PTK2: variants seen among roughly 807,000 people sequenced by gnomAD.
The protein encoded by PTK2 is protein tyrosine kinase 2.
A neutral mutation model predicts 150.1 loss-of-function variants in PTK2; 45 were observed. The ratio of observed to expected loss-of-function variants is 0.30; its 90% CI spans 0.24 to 0.38. The LOEUF (loss-of-function observed/expected upper bound fraction) is 0.38, where lower values mean the gene tolerates loss of function less well. Among genes scored for constraint, PTK2 ranks in the 10% least tolerant of loss-of-function variants. The pLI is 1.00. For missense variants in PTK2, 919 were observed against 1,307.3 expected (o/e 0.70, Z 4.58); for synonymous variants, 432 against 449.2 (o/e 0.96, Z 0.48).
intron 12 of PTK2, among the ~76,000 whole-genome samples, chr8:140,796,277 C>G (rs2100091555): frequency 6.6e-6 from 1 of 152,162 alleles, no homozygotes; most frequent in African/African-American, 2.4e-5. Flanking sequence ...GAATTCAAGC[C>G]AAACTGCAAG....
chr8:140,840,416 A>T (rs1014484150), intron 7 of PTK2, among the ~76,000 whole-genome samples: 3 of 151,984 alleles, frequency 2.0e-5, no homozygotes, highest in Admixed American at 2.0e-4. Context: ...GTATAAAATA[A>T]TAATAATGTC....
At chr8:140,913,113 T>C (rs550420649) in intron 2 of PTK2, among the ~76,000 whole-genome samples, 1 of 152,064 alleles carries the variant, frequency 6.6e-6, no homozygotes, top group African/African-American at 2.4e-5. Flanking sequence ...GGCAAAGACA[T>C]AGATGAAGAT....
At chr8:140,931,478 T>C (rs554485123) in intron 1 of PTK2, among the ~76,000 whole-genome samples, 182 of 151,912 alleles carry the variant, frequency 1.2e-3, no homozygotes, top group African/African-American at 3.4e-3. Context: ...GGTGGGAGGA[T>C]TGCTTGAGAC....
chr8:140,676,898 G>A (rs971091574), intron 27 of PTK2, among the ~76,000 whole-genome samples: 1 of 139,270 alleles, frequency 7.2e-6, no homozygotes, highest in South Asian at 2.3e-4. Context: ...CCGAGATCAC[G>A]TCACTGCACT....
At chr8:140,949,023 CCCT>C (rs1054179304) in intron 1 of PTK2, among the ~76,000 whole-genome samples, 4 of 151,658 alleles carry the variant, frequency 2.6e-5, no homozygotes, top group African/African-American at 9.7e-5. Flanking sequence ...CAAGACCAAC[CCCT>C]CTTCTTCCTC....
intron 14 of PTK2, among the ~76,000 whole-genome samples, chr8:140,780,124 C>T (rs148177702): frequency 9.4e-4 from 143 of 152,196 alleles, no homozygotes; most frequent in Admixed American, 6.4e-3. Flanking sequence ...AGCCTGCTCC[C>T]GAGGGTAATG....
chr8:140,928,842 T>A (rs937486244), intron 1 of PTK2, among the ~76,000 whole-genome samples: 1 of 152,004 alleles, frequency 6.6e-6, no homozygotes, highest in Non-Finnish European at 1.5e-5. Context: ...ATGAAAAAAA[T>A]TCTAGAGATC....
chr8:140,697,269 T>C (rs1190397772), intron 26 of PTK2, among the ~76,000 whole-genome samples: 1 of 148,796 alleles, frequency 6.7e-6, no homozygotes, highest in Non-Finnish European at 1.5e-5. Context: ...TAGGACCAAA[T>C]GAAGATGCTC....
intron 12 of PTK2, among the ~76,000 whole-genome samples, chr8:140,794,282 C>T (rs558150541): frequency 4.9e-4 from 75 of 152,282 alleles, no homozygotes; most frequent in African/African-American, 2.4e-4. Flanking sequence ...CAAAGCACTG[C>T]TTCACTTCTC....
intron 2 of PTK2, among the ~76,000 whole-genome samples, chr8:140,907,442 A>G (rs2100161406): frequency 6.6e-6 from 1 of 152,150 alleles, no homozygotes; most frequent in African/African-American, 2.4e-5. Flanking sequence ...GAGCATATCG[A>G]ATTTCAGATT....
intron 14 of PTK2, among the ~76,000 whole-genome samples, chr8:140,785,077 T>C (rs1054224572): frequency 3.3e-5 from 5 of 152,218 alleles, no homozygotes; most frequent in African/African-American, 1.2e-4. Flanking sequence ...TTATCCTCTC[T>C]ACCCCTGCCC....
Position 140,697,441 on chromosome 8 carries a change from TG to T in PTK2, c.2499+3449del, listed in dbSNP as rs1564587322. Among the ~76,000 whole-genome samples, 69 of 151,382 alleles carry T rather than the reference TG, an allele frequency of 4.6e-4. 2 individuals are homozygous for T. The East Asian group carries it at 0.013, about 28-fold the overall frequency. Reference sequence around the variant, plus strand: ...TTGTGTGTGTGTGTGTGTGTGTGTGTGTGTGTGTGTGTGTTTTTAAACGGAG... The same window carrying T: ...TTGTGTGTGTGTGTGTGTGTGTGTGTTGTGTGTGTGTGTTTTTAAACGGAG... On this transcript the variant is annotated intron_variant, in intron 26 of 31. Transcript: ENST00000522684.
rs142828213 is a variant in PTK2, at chr8:140,824,641, C to T, written c.649-5621G>A. On this transcript the variant is annotated intron_variant, in intron 8 of 31. Transcript: ENST00000522684. ...TCTCTGCTGTCTGAAACTCCAAAATCAGTTTTTACGAAAAGGATATCTTAG... is the reference window on the plus strand; with the variant it reads ...TCTCTGCTGTCTGAAACTCCAAAATTAGTTTTTACGAAAAGGATATCTTAG... Among the ~76,000 whole-genome samples the T allele has an allele frequency of 4.5e-3, 685 of 152,312 alleles. 4 individuals are homozygous for T. The highest frequency in any genetic ancestry group is 0.016 in the African/African-American group (648 of 41,566).
intron 17 of PTK2, among the ~76,000 whole-genome samples, chr8:140,748,614 G>A (rs2100060961): frequency 6.6e-6 from 1 of 152,082 alleles, no homozygotes; most frequent in African/African-American, 2.4e-5. Flanking sequence ...ACTACTCTCA[G>A]GAGAGTCTGA....
chr8:140,703,319 G>A (rs1377163913), intron 24 of PTK2, among the ~76,000 whole-genome samples: 1 of 152,150 alleles, frequency 6.6e-6, no homozygotes, highest in Admixed American at 6.5e-5. Context: ...AGGGGACCAT[G>A]AGCCAAGGCA....
At chr8:140,717,956 G>GA (rs1219109598) in intron 22 of PTK2, 1 of 364,474 alleles carries the variant, frequency 2.7e-6, no homozygotes, top group Non-Finnish European at 5.1e-6. Flanking sequence ...CAGCTGGTAA[G>GA]AAAAAGAGGT....
intron 22 of PTK2, chr8:140,721,534 C>T (rs1214245489): frequency 1.3e-5 from 2 of 152,088 alleles, no homozygotes; most frequent in Non-Finnish European, 2.9e-5. Flanking sequence ...CCTCAAAAGG[C>T]TGCTAAAGGA....
chr8:140,810,335 G>A (rs957078896), intron 10 of PTK2, among the ~76,000 whole-genome samples: 2 of 152,174 alleles, frequency 1.3e-5, no homozygotes, highest in Non-Finnish European at 2.9e-5. Flanking sequence ...GGGAACTGTT[G>A]GACCTGAACT....
rs895243437 is a variant in PTK2 at position 140,803,781 on chromosome 8, C to G, written c.868-131G>C. 8 of 786,234 alleles carry G rather than the reference C, an allele frequency of 1.0e-5. No individual in the cohort carries two copies. The South Asian group carries it at 1.3e-4, about 13-fold the overall frequency. 48.7% of individuals were successfully genotyped at this position (786,234 alleles called of 1,614,324 possible). A position where few individuals can be genotyped will look rare whatever the true frequency, so the allele number is the denominator to read the frequency against. On this transcript the variant is annotated intron_variant, in intron 10 of 31. Transcript: ENST00000522684. The stretch of plus-strand genomic sequence containing the variant: ...AAGACTGGAGGTCTGGGGAAAAAAA[C>G]AGATTCTCCATGCTGCCCCAGGGGA...
Sources: allele counts gnomAD v4.1 joint callset (sites outside exome capture counted in the v4.1 genomes callset), GRCh38; gene constraint gnomAD v4.1.1; transcripts MANE v1.5; gene names NCBI Gene and HGNC (gene_info 2026-07-23, HGNC 2026-07-21).